Variants in GPAT4 observed in about 807,000 individuals in gnomAD.
GPAT4 encodes the protein glycerol-3-phosphate acyltransferase 4.
A neutral mutation model predicts 58.0 loss-of-function variants in GPAT4; 17 were observed. That is an observed-to-expected ratio of 0.29 (90% CI 0.20 to 0.44). GPAT4 has a LOEUF of 0.44. Ranked by LOEUF, GPAT4 falls within the 20% of genes least tolerant of loss-of-function variation. The pLI is 1.00. For synonymous variants in GPAT4, 204 were observed against 210.1 expected (o/e 0.97, Z 0.25); for missense variants, 377 against 574.5 (o/e 0.66, Z 3.51).
intron 1 of GPAT4, among the ~76,000 whole-genome samples, chr8:41,582,031 C>CT (rs2150478340): frequency 1.1e-5 from 1 of 93,376 alleles, no homozygotes; most frequent in South Asian, 3.9e-4. Context: ...TTTTTGGAGA[C>CT]TGAGTCTTCC....
chr8:41,599,262 T>C lies in GPAT4; in HGVS notation c.123T>C (p.Gly41=). ...CAGCCATTTTTGGAGTCTCCTTTGG[T>C]ATCCGCAAACTCTACATGAAAAGTC... ...IVPAIFGVSF[G]IRKLYMKSLL... The change falls in exon 2 of 13, where the codon GGT becomes GGC. Residue 41 remains glycine, a synonymous_variant. Transcript: ENST00000396987. 1 of 1,614,080 alleles carries C rather than the reference T, an allele frequency of 6.2e-7. No individual in the cohort carries two copies. The highest frequency in any genetic ancestry group is 8.5e-7 in the Non-Finnish European group (1 of 1,180,002).
Position 41,598,506 on chromosome 8 carries a change from A to G in GPAT4, c.-634A>G, listed in dbSNP as rs990339747. ...GAGGATCCTGGAAGCTGTGAGCACCAGGAGCCTTGCCAGAGGAGGATGGGG... is the reference window on the plus strand; with the variant it reads ...GAGGATCCTGGAAGCTGTGAGCACCGGGAGCCTTGCCAGAGGAGGATGGGG... On this transcript the variant is annotated 5_prime_UTR_variant, in exon 2 of 13. Transcript: ENST00000396987. 6.6e-6 allele frequency: 1 copy of G among 152,246 alleles called. No homozygotes were observed. Among genetic ancestry groups the G allele is most frequent in the Non-Finnish European group, 1.5e-5 (1 of 68,064 alleles). The allele number at this position is 152,246 out of a possible 1,614,324, so 9.4% of individuals were successfully genotyped here.
At chr8:41,594,097 A>C (rs189742157) in intron 1 of GPAT4, among the ~76,000 whole-genome samples, 4 of 152,218 alleles carry the variant, frequency 2.6e-5, no homozygotes, top group African/African-American at 7.2e-5. Context: ...ATAAGGTAAG[A>C]TATTTATAGG....
chr8:41,621,110 C>G lies in GPAT4; in HGVS notation c.*109C>G, dbSNP rs139650926. ...GTCCTTTCCAGACTCCAGGGCTCCC[C>G]GGGCTGCTCTGGATCCCAGGACTCC... On this transcript the variant is annotated 3_prime_UTR_variant, in exon 13 of 13. Coordinates refer to ENST00000396987, the MANE Select transcript of GPAT4 (RefSeq NM_178819.4). 1,247 of 1,445,118 alleles carry G rather than the reference C, an allele frequency of 8.6e-4. 5 individuals carry two copies. The African/African-American group carries it at 0.014, about 17-fold the overall frequency. The allele number at this position is 1,445,118 out of a possible 1,614,324, so 89.5% of individuals were successfully genotyped here. A position where few individuals can be genotyped will look rare whatever the true frequency, so the allele number is the denominator to read the frequency against.
chr8:41,614,683 T>C (rs76715302), intron 9 of GPAT4, among the ~76,000 whole-genome samples: 2,849 of 152,348 alleles, frequency 0.019, 46 homozygotes, highest in Non-Finnish European at 0.032. Flanking sequence ...TTTCAGCTCC[T>C]CACAGAGCTC....
At chr8:41,610,558 A>G (rs1423472240) in intron 4 of GPAT4, 178 bp from the exon 5 acceptor site, 8 of 1,500,412 alleles carry the variant, frequency 5.3e-6, no homozygotes, top group Non-Finnish European at 7.1e-6. Flanking sequence ...AGCTGGAATC[A>G]AAAGGATCTC....
Position 41,612,878 on chromosome 8 carries a change from A to T in GPAT4, c.829A>T (p.Ile277Phe), listed in dbSNP as rs1480459126. The T allele has an allele frequency of 6.2e-7, 1 of 1,614,050 alleles. No individual in the cohort carries two copies. The part of the protein sequence containing the change: ...GQVHGGLMGV[I>F]QRAMVKACPH... ...AGTGCACGGGGGACTCATGGGTGTG[A>T]TTCAGAGAGCCATGGTGAAGGCCTG... Residue 277 changes from isoleucine to phenylalanine, a missense_variant, in exon 8 of 13, where the codon ATT becomes TTT. Coordinates refer to ENST00000396987, the MANE Select transcript of GPAT4 (RefSeq NM_178819.4).
At chr8:41,586,181 C>G (rs1462750907) in intron 1 of GPAT4, among the ~76,000 whole-genome samples, 1 of 152,160 alleles carries the variant, frequency 6.6e-6, no homozygotes, top group East Asian at 1.9e-4. Flanking sequence ...AATATGTGGT[C>G]TTTTCAATGG....
intron 2 of GPAT4, among the ~76,000 whole-genome samples, chr8:41,603,338 T>G (rs1803156197): frequency 2.0e-5 from 3 of 151,856 alleles, no homozygotes. Context: ...ACCAGCCTGG[T>G]CAACATTGTG....
Position 41,621,019 on chromosome 8 carries a change from TGGGGCCACCGTGCG to T in GPAT4, c.*22_*35del, listed in dbSNP as rs1803732901. On this transcript the variant is annotated 3_prime_UTR_variant, in exon 13 of 13. Coordinates refer to ENST00000396987, the MANE Select transcript of GPAT4 (RefSeq NM_178819.4). ...GCTCCTGAGCCTGCCTCCAGCTGGC[TGGGGCCACCGTGCG>T]GGGTGCCAACGGGCTCAGAGCTGGA... is the stretch of plus-strand genomic sequence containing the variant. 2 of 1,550,398 alleles carry T rather than the reference TGGGGCCACCGTGCG, an allele frequency of 1.3e-6. No homozygotes were observed. The highest frequency in any genetic ancestry group is 2.0e-5 in the Admixed American group (1 of 50,988).
At chr8:41,605,160 G>A (rs1193462147) in intron 2 of GPAT4, among the ~76,000 whole-genome samples, 1 of 152,228 alleles carries the variant, frequency 6.6e-6, no homozygotes, top group Admixed American at 6.5e-5. Context: ...CTACTAAGTA[G>A]AAGGCACTCT....
At chr8:41,596,137 T>G (rs1370821230) in intron 1 of GPAT4, among the ~76,000 whole-genome samples, 1 of 152,154 alleles carries the variant, frequency 6.6e-6, no homozygotes, top group Non-Finnish European at 1.5e-5. Context: ...CCTGGTATCA[T>G]AGTAATGCCG....
At chr8:41,596,002 G>T (rs1802922037) in intron 1 of GPAT4, among the ~76,000 whole-genome samples, 1 of 152,104 alleles carries the variant, frequency 6.6e-6, no homozygotes, top group Admixed American at 6.5e-5. Flanking sequence ...TGGCTTTCAG[G>T]TTACCTTGTG....
intron 2 of GPAT4, among the ~76,000 whole-genome samples, chr8:41,607,586 T>C (rs950726640): frequency 4.6e-5 from 7 of 151,630 alleles, no homozygotes; most frequent in Non-Finnish European, 8.8e-5. Context: ...TCTCCCAGGC[T>C]GTAGTGCAGT....
In GPAT4 at chr8:41,621,688, G is replaced by GT. The variant is rs1450052548; in HGVS notation, c.*688dup. The GT allele has an allele frequency of 1.0e-4, 16 of 152,534 alleles. No homozygotes were observed. The highest frequency in any genetic ancestry group is 3.4e-4 in the African/African-American group (14 of 41,576). The allele number at this position is 152,534 out of a possible 1,614,324, so 9.4% of individuals were successfully genotyped here. ...ATGTGATGCGCGCTTTGTTGAATGT[G>GT]TGTCTCGGTTTCCCCATCTGTAATA... is the stretch of plus-strand genomic sequence containing the variant. On this transcript the variant is annotated 3_prime_UTR_variant, in exon 13 of 13. Transcript: ENST00000396987.
intron 1 of GPAT4, among the ~76,000 whole-genome samples, chr8:41,586,032 A>G (rs1802646580): frequency 6.6e-6 from 1 of 152,262 alleles, no homozygotes; most frequent in African/African-American, 2.4e-5. Context: ...CAACAGAGTC[A>G]GTTTTAGAAC....
chr8:41,603,318 G>A (rs1803155488), intron 2 of GPAT4, among the ~76,000 whole-genome samples: 2 of 152,072 alleles, frequency 1.3e-5, no homozygotes, highest in South Asian at 4.1e-4. Context: ...CCTGAGGTCG[G>A]GAGTTCGAGA....
intron 10 of GPAT4, among the ~76,000 whole-genome samples, chr8:41,617,482 A>G (rs1403876269): frequency 2.6e-5 from 4 of 152,266 alleles, no homozygotes; most frequent in Non-Finnish European, 5.9e-5. Context: ...ATAATAACAC[A>G]TTAAGTCTTC....
At chr8:41,608,540 C>A (rs935146803) in intron 2 of GPAT4, among the ~76,000 whole-genome samples, 1 of 152,198 alleles carries the variant, frequency 6.6e-6, no homozygotes, top group Non-Finnish European at 1.5e-5. Flanking sequence ...CTTATACCAG[C>A]GAAACCAGTT....
Sources: allele counts gnomAD v4.1 joint callset (sites outside exome capture counted in the v4.1 genomes callset), GRCh38; gene constraint gnomAD v4.1.1; transcripts MANE v1.5; gene names NCBI Gene and HGNC (gene_info 2026-07-23, HGNC 2026-07-21).